Variants in LRP12 observed in about 807,000 individuals in gnomAD.
The protein encoded by LRP12 is low-density lipoprotein receptor-related protein 12.
LRP12 carries 14 observed loss-of-function variants against 66.0 expected under a neutral mutation model. That is an observed-to-expected ratio of 0.21 (90% CI 0.14 to 0.33). The LOEUF (loss-of-function observed/expected upper bound fraction) is 0.33, where lower values mean the gene tolerates loss of function less well. LRP12 is among the 10% of genes least tolerant of loss of function. The pLI, the probability that LRP12 is intolerant of heterozygous loss-of-function variation, is 1.00. For synonymous variants in LRP12, 357 were observed against 359.1 expected (o/e 0.99, Z 0.07); for missense variants, 889 against 1,053.4 (o/e 0.84, Z 2.16).
intron 3 of LRP12, among the ~76,000 whole-genome samples, chr8:104,500,761 T>C (rs1298881368): frequency 1.3e-5 from 2 of 152,132 alleles, no homozygotes; most frequent in Non-Finnish European, 2.9e-5. Context: ...TGTACGTATC[T>C]CTCTTACAAG....
chr8:104,531,789 C>G (rs1168176290), intron 2 of LRP12, 118 bp downstream of exon 2: 1 of 684,732 alleles, frequency 1.5e-6, no homozygotes, highest in East Asian at 2.8e-5. Context: ...TTATTACATG[C>G]TGCAAAAAGC....
intron 1 of LRP12, among the ~76,000 whole-genome samples, chr8:104,568,544 C>T (rs76551783): frequency 0.031 from 4,654 of 152,040 alleles, 236 homozygotes; most frequent in African/African-American, 0.11. Context: ...GGGTTAATAA[C>T]CACAATTTTT....
intron 1 of LRP12, among the ~76,000 whole-genome samples, chr8:104,555,876 C>T (rs1435067356): frequency 6.6e-6 from 1 of 152,098 alleles, no homozygotes; most frequent in Admixed American, 6.5e-5. Flanking sequence ...TTCATCAGCA[C>T]ATGAACAGTC....
intron 1 of LRP12, among the ~76,000 whole-genome samples, chr8:104,548,081 ATAT>A (rs1236981875): frequency 4.3e-5 from 5 of 116,738 alleles, no homozygotes; most frequent in East Asian, 2.3e-4. Flanking sequence ...TAATTCTGTT[ATAT>A]TATATTTTGT....
At chr8:104,550,991 A>G (rs918124363) in intron 1 of LRP12, among the ~76,000 whole-genome samples, 20 of 152,052 alleles carry the variant, frequency 1.3e-4, no homozygotes, top group African/African-American at 4.6e-4. Context: ...AACTAGTTCA[A>G]TTCCTTCCAT....
chr8:104,548,354 A>T (rs376910784), intron 1 of LRP12, among the ~76,000 whole-genome samples: 9 of 56,986 alleles, frequency 1.6e-4, no homozygotes, highest in African/African-American at 9.7e-4. Context: ...TAAATATATA[A>T]TATATATTAT....
intron 1 of LRP12, chr8:104,566,272 G>T: frequency 2.3e-6 from 1 of 438,496 alleles, no homozygotes; most frequent in South Asian, 3.4e-5. Context: ...AGTAGAACCA[G>T]ATGTTAAAAA....
intron 1 of LRP12, among the ~76,000 whole-genome samples, chr8:104,556,167 A>T (rs950713361): frequency 5.3e-5 from 8 of 152,172 alleles, no homozygotes; most frequent in Admixed American, 5.2e-4. Flanking sequence ...CAGTGCTATG[A>T]GGAAAATTCA....
chr8:104,569,262 G>C (rs1812045360), intron 1 of LRP12, among the ~76,000 whole-genome samples: 1 of 152,170 alleles, frequency 6.6e-6, no homozygotes. Context: ...CCAGGGGCTA[G>C]AGAGTAGGAA....
At chr8:104,529,477 G>C (rs1811293921) in intron 2 of LRP12, among the ~76,000 whole-genome samples, 1 of 152,156 alleles carries the variant, frequency 6.6e-6, no homozygotes, top group African/African-American at 2.4e-5. Context: ...CTTTACTGCT[G>C]ATTTCTTTCT....
chr8:104,553,477 C>T (rs188903829), intron 1 of LRP12, among the ~76,000 whole-genome samples: 41 of 152,234 alleles, frequency 2.7e-4, no homozygotes, highest in African/African-American at 9.1e-4. Flanking sequence ...GGCTTTCCCC[C>T]ACTTCCCTGG....
chr8:104,520,913 TAC>T (rs1811137959), intron 2 of LRP12, among the ~76,000 whole-genome samples: 1 of 152,084 alleles, frequency 6.6e-6, no homozygotes, highest in Non-Finnish European at 1.5e-5. Flanking sequence ...CTTGCCTTTT[TAC>T]GTTCACTAGG....
intron 2 of LRP12, among the ~76,000 whole-genome samples, chr8:104,519,261 AT>A (rs1392096241): frequency 2.6e-5 from 4 of 152,072 alleles, no homozygotes; most frequent in Admixed American, 2.6e-4. Flanking sequence ...AGAAGTCAAC[AT>A]TTTGAGGATG....
At position 104,497,499 on chromosome 8, in the gene LRP12, C is replaced by G. The variant is rs755390911; in HGVS notation, c.1053G>C (p.Arg351Ser). Residue 351 changes from arginine to serine, a missense_variant, in exon 5 of 7, where the codon AGG becomes AGC. Coordinates refer to ENST00000276654, the MANE Select transcript of LRP12 (RefSeq NM_013437.5). This position sits in a 1 kb window ranked among gnomAD's most constrained non-coding sequence, Gnocchi z 4.3. ...TCACTTTATCAGCACAAAAATGTAC[C>G]CTTATCTGTCCAGAAGAAGAAACAA... ...LTVVSSSGQI[R>S]VHFCADKVNA... 28 of 1,614,024 alleles carry G rather than the reference C, an allele frequency of 1.7e-5. No individual in the cohort carries two copies. The highest frequency in any genetic ancestry group is 2.4e-5 in the Non-Finnish European group (28 of 1,179,992).
chr8:104,522,934 T>C (rs919727775), intron 2 of LRP12, among the ~76,000 whole-genome samples: 144 of 152,238 alleles, frequency 9.5e-4, no homozygotes, highest in African/African-American at 3.3e-3. Context: ...AAGAAAAACA[T>C]GATTGTACTG....
chr8:104,494,941 T>A, intron 6 of LRP12, 136 bp downstream of exon 6: 1 of 674,270 alleles, frequency 1.5e-6, no homozygotes, highest in Non-Finnish European at 2.4e-6. Flanking sequence ...ATGAAAACTA[T>A]GACTTCAAAT....
At chr8:104,558,087 G>A (rs1811839928) in intron 1 of LRP12, among the ~76,000 whole-genome samples, 1 of 152,128 alleles carries the variant, frequency 6.6e-6, no homozygotes, top group African/African-American at 2.4e-5. Flanking sequence ...GTGCACACCT[G>A]TAGTCCCAGC....
chr8:104,564,897 C>A (rs549419563), intron 1 of LRP12, among the ~76,000 whole-genome samples: 1 of 151,326 alleles, frequency 6.6e-6, no homozygotes, highest in East Asian at 1.9e-4. Context: ...CGCACCACTG[C>A]ACTCCAGCCT....
intron 2 of LRP12, among the ~76,000 whole-genome samples, chr8:104,519,084 C>G (rs1354845949): frequency 6.6e-6 from 1 of 152,054 alleles, no homozygotes; most frequent in East Asian, 1.9e-4. Context: ...AGGAAACACA[C>G]GCCCACAGCT....
Sources: allele counts gnomAD v4.1 joint callset (sites outside exome capture counted in the v4.1 genomes callset), GRCh38; gene constraint gnomAD v4.1.1; non-coding constraint Gnocchi (gnomAD v3.1); transcripts MANE v1.5; gene names NCBI Gene and HGNC (gene_info 2026-07-23, HGNC 2026-07-21).